Variants in LRP1B observed in about 807,000 individuals in gnomAD.
LRP1B encodes the protein low-density lipoprotein receptor-related protein 1B.
Under a neutral mutation model 556.6 loss-of-function variants are expected in LRP1B, and 217 were observed. The observed-to-expected ratio is 0.39, with a 90% confidence interval of 0.35 to 0.44. The LOEUF (loss-of-function observed/expected upper bound fraction) is 0.44. LRP1B is among the 20% of genes least tolerant of loss of function. The pLI is 1.00. For missense variants in LRP1B, 5,053 were observed against 5,620.8 expected (o/e 0.90, Z 3.23); for synonymous variants, 2,047 against 1,865.8 (o/e 1.10, Z -2.50).
intron 66 of LRP1B, among the ~76,000 whole-genome samples, chr2:140,433,583 T>G (rs1686046039): frequency 6.6e-6 from 1 of 152,180 alleles, no homozygotes; most frequent in Admixed American, 6.5e-5. Context: ...ATGCATTAAC[T>G]TTATATTTTA....
chr2:141,025,190 A>G (rs1173196559), intron 11 of LRP1B, among the ~76,000 whole-genome samples: 3 of 152,022 alleles, frequency 2.0e-5, no homozygotes, highest in Admixed American at 2.0e-4. Context: ...CCAGGCTATT[A>G]CTCTTATGGG....
Position 141,043,037 on chromosome 2 carries a change from C to CAAAAAA in LRP1B, c.1789+5943_1789+5948dup, listed in dbSNP as rs57176510. On this transcript the variant is annotated intron_variant, in intron 11 of 90. Transcript: ENST00000389484. ...TGAAAGGCTGTCACTACAAAAAATA[C>CAAAAAA]AAAAAAAAAAAAAAAATTAGCTGAG... 1.2e-4 allele frequency among the ~76,000 whole-genome samples: 15 copies of CAAAAAA among 122,052 alleles called. 1 individual carries two copies. Among genetic ancestry groups the CAAAAAA allele is most frequent in the South Asian group, 1.1e-3 (4 of 3,734 alleles). The allele number at this position is 122,052 out of a possible 152,430, so 80.1% of individuals were successfully genotyped here.
chr2:140,766,839 ATATATTATATATATATATATATATAT>A (rs1559106314), intron 35 of LRP1B, among the ~76,000 whole-genome samples: 4 of 22,690 alleles, frequency 1.8e-4, no homozygotes, highest in Non-Finnish European at 5.4e-4. Context: ...ATATATATAT[ATATATTATATATATATATATATATAT>A]AATATATATA....
In LRP1B at chr2:140,743,612, G is replaced by A. The variant is rs139308158; in HGVS notation, c.5758+25601C>T. On this transcript the variant is annotated intron_variant, in intron 35 of 90. Transcript: ENST00000389484. Reference sequence around the variant, plus strand: ...AATAAACTTAAAGCACTTTAACACAGTGCCTTGCATATAGTACACATGTAT... The same window carrying A: ...AATAAACTTAAAGCACTTTAACACAATGCCTTGCATATAGTACACATGTAT... Among the ~76,000 whole-genome samples, 141 of 152,178 alleles carry A rather than the reference G, an allele frequency of 9.3e-4. 1 individual carries two copies. The highest frequency in any genetic ancestry group is 3.1e-3 in the African/African-American group (128 of 41,518).
intron 41 of LRP1B, among the ~76,000 whole-genome samples, chr2:140,621,481 T>TA (rs1683454242): frequency 6.6e-6 from 1 of 151,900 alleles, no homozygotes; most frequent in Non-Finnish European, 1.5e-5. Context: ...AACAACATTT[T>TA]TTTTAATTGA....
intron 2 of LRP1B, among the ~76,000 whole-genome samples, chr2:141,514,402 C>G (rs530179142): frequency 6.6e-6 from 1 of 152,160 alleles, no homozygotes; most frequent in Non-Finnish European, 1.5e-5. Context: ...CTCGTTGGCC[C>G]TGCAAGGTGT....
At chr2:140,571,387 A>C (rs1681316252) in intron 43 of LRP1B, among the ~76,000 whole-genome samples, 1 of 151,902 alleles carries the variant, frequency 6.6e-6, no homozygotes, top group African/African-American at 2.4e-5. Flanking sequence ...TGAAAAAGAA[A>C]TCATGAAAGC....
intron 2 of LRP1B, among the ~76,000 whole-genome samples, chr2:141,791,573 G>A (rs1695612205): frequency 6.6e-6 from 1 of 151,934 alleles, no homozygotes; most frequent in South Asian, 2.1e-4. Flanking sequence ...ATTTGCAATT[G>A]TTCCTTTATC....
chr2:141,891,598 T>G (rs533303813), intron 1 of LRP1B, among the ~76,000 whole-genome samples: 10 of 152,268 alleles, frequency 6.6e-5, no homozygotes, highest in African/African-American at 2.2e-4. Flanking sequence ...ATCTGTACTT[T>G]GTCAATAAAT....
At position 140,817,219 on chromosome 2, in the gene LRP1B, A is replaced by C. The variant is rs1691154103; in HGVS notation, c.5210-3413T>G. Reference sequence around the variant, plus strand: ...TCTGTCTGAAGAATGTATCAATTGTAATACAGTCTCATTTTTATAAGACAT... The same window carrying C: ...TCTGTCTGAAGAATGTATCAATTGTCATACAGTCTCATTTTTATAAGACAT... On this transcript the variant is annotated intron_variant, in intron 31 of 90. Transcript: ENST00000389484. Among the ~76,000 whole-genome samples, 10 of 152,264 alleles carry C rather than the reference A, an allele frequency of 6.6e-5. No individual in the cohort carries two copies. In the South Asian group the frequency reaches 2.1e-3, roughly 32 times the overall value.
At chr2:141,884,178 C>A (rs1465941914) in intron 1 of LRP1B, among the ~76,000 whole-genome samples, 1 of 151,852 alleles carries the variant, frequency 6.6e-6, no homozygotes, top group East Asian at 1.9e-4. Flanking sequence ...GGTTTGAGAC[C>A]AGCCTGGACA....
chr2:140,463,898 T>C (rs1687426521), intron 60 of LRP1B, among the ~76,000 whole-genome samples: 1 of 152,118 alleles, frequency 6.6e-6, no homozygotes, highest in Non-Finnish European at 1.5e-5. Flanking sequence ...TGTGGAAGCA[T>C]AGAAATTAAT....
intron 7 of LRP1B, among the ~76,000 whole-genome samples, chr2:141,118,125 T>A (rs888826790): frequency 2.0e-5 from 3 of 151,696 alleles, no homozygotes; most frequent in Non-Finnish European, 4.4e-5. Flanking sequence ...GGATGGAATA[T>A]TTTAATGCAT....
At chr2:140,393,429 G>C (rs987142885) in intron 66 of LRP1B, among the ~76,000 whole-genome samples, 1 of 150,930 alleles carries the variant, frequency 6.6e-6, no homozygotes, top group Non-Finnish European at 1.5e-5. Context: ...AAATTGTTTC[G>C]TTCCTTTTTT....
rs147262378 is a variant in LRP1B at position 140,752,285 on chromosome 2, T to G, written c.5758+16928A>C. Among the ~76,000 whole-genome samples, 219 of 150,542 alleles carry G rather than the reference T, an allele frequency of 1.5e-3. 1 individual carries two copies. In the Middle Eastern group the frequency reaches 0.021, roughly 14 times the overall value. On this transcript the variant is annotated intron_variant, in intron 35 of 90. Transcript: ENST00000389484. ...AGCCACGGAATAAATAGAATTCTACTAAATCTAATTCTGGGTAATTATGAC... is the reference window on the plus strand; with the variant it reads ...AGCCACGGAATAAATAGAATTCTACGAAATCTAATTCTGGGTAATTATGAC...
intron 11 of LRP1B, among the ~76,000 whole-genome samples, chr2:141,032,609 A>G (rs907653757): frequency 6.6e-6 from 1 of 151,778 alleles, no homozygotes; most frequent in Non-Finnish European, 1.5e-5. Flanking sequence ...TATTCAGAAA[A>G]TTTGTATTTC....
At chr2:141,413,675 G>A (rs527480122) in intron 3 of LRP1B, among the ~76,000 whole-genome samples, 2 of 152,208 alleles carry the variant, frequency 1.3e-5, no homozygotes, top group South Asian at 2.1e-4. Context: ...ACTTTGGGAG[G>A]GAGAGGCAGG....
chr2:141,602,886 T>G (rs1687798193), intron 2 of LRP1B, among the ~76,000 whole-genome samples: 1 of 152,196 alleles, frequency 6.6e-6, no homozygotes, highest in Non-Finnish European at 1.5e-5. Flanking sequence ...CTTACCTGTT[T>G]TTGTGTATAA....
intron 79 of LRP1B, among the ~76,000 whole-genome samples, chr2:140,327,201 T>A (rs567455702): frequency 6.6e-6 from 1 of 152,244 alleles, no homozygotes; most frequent in East Asian, 1.9e-4. Context: ...AAAGGTACTT[T>A]TGAGTCTGTG....
Sources: allele counts gnomAD v4.1 joint callset (sites outside exome capture counted in the v4.1 genomes callset), GRCh38; gene constraint gnomAD v4.1.1; transcripts MANE v1.5; gene names NCBI Gene and HGNC (gene_info 2026-07-23, HGNC 2026-07-21).